FGF7: variants seen among roughly 807,000 people sequenced by gnomAD.
FGF7 encodes the protein FGF-7.
Under a neutral mutation model 20.5 loss-of-function variants are expected in FGF7, and 6 were observed. That is an observed-to-expected ratio of 0.29 (90% confidence interval 0.16 to 0.58). The LOEUF (loss-of-function observed/expected upper bound fraction) is 0.58, where lower values mean the gene tolerates loss of function less well. Among genes scored for constraint, FGF7 ranks in the 20% least tolerant of loss-of-function variants. The pLI, the probability that FGF7 is intolerant of heterozygous loss-of-function variation, is 0.90. For synonymous variants in FGF7, 64 were observed against 74.7 expected (o/e 0.86, Z 0.74); for missense variants, 144 against 228.8 (o/e 0.63, Z 2.39).
At chr15:49,436,061 A>AG (rs1237904899) in intron 2 of FGF7, among the ~76,000 whole-genome samples, 1 of 151,672 alleles carries the variant, frequency 6.6e-6, no homozygotes, top group East Asian at 2.0e-4. Context: ...ATTTCACGGA[A>AG]GAAAAAAAAG....
intron 2 of FGF7, among the ~76,000 whole-genome samples, chr15:49,479,739 G>A (rs1464998721): frequency 6.7e-6 from 1 of 148,906 alleles, no homozygotes; most frequent in Non-Finnish European, 1.5e-5. Flanking sequence ...TCAGACTACC[G>A]AGTAACTGGG....
At chr15:49,463,357 C>A (rs1031547414) in intron 2 of FGF7, among the ~76,000 whole-genome samples, 14 of 152,066 alleles carry the variant, frequency 9.2e-5, no homozygotes, top group African/African-American at 3.4e-4. Context: ...GGTTCAAGAC[C>A]AGCCTGGCCA....
At chr15:49,479,324 G>T (rs1488336318) in intron 2 of FGF7, among the ~76,000 whole-genome samples, 3 of 151,996 alleles carry the variant, frequency 2.0e-5, no homozygotes, top group African/African-American at 4.8e-5. Flanking sequence ...ATGCATCTAT[G>T]TAATATGCTT....
chr15:49,458,028 C>A (rs1409308516), intron 2 of FGF7, among the ~76,000 whole-genome samples: 1 of 151,798 alleles, frequency 6.6e-6, no homozygotes, highest in Non-Finnish European at 1.5e-5. Context: ...CACTTTATAG[C>A]AAGATTGTTG....
At chr15:49,441,217 A>G (rs2051608517) in intron 2 of FGF7, among the ~76,000 whole-genome samples, 1 of 151,658 alleles carries the variant, frequency 6.6e-6, no homozygotes, top group African/African-American at 2.4e-5. Flanking sequence ...ACCAAACAAT[A>G]CTGCCAATGT....
chr15:49,439,719 C>T (rs958793961), intron 2 of FGF7, among the ~76,000 whole-genome samples: 11 of 151,868 alleles, frequency 7.2e-5, no homozygotes, highest in African/African-American at 2.7e-4. Context: ...TGGCTCTCTT[C>T]TCTTACTGCA....
intron 2 of FGF7, among the ~76,000 whole-genome samples, chr15:49,456,867 A>G (rs547221903): frequency 9.9e-5 from 15 of 152,086 alleles, no homozygotes; most frequent in Non-Finnish European, 1.9e-4. Flanking sequence ...AGACCAGAAA[A>G]AGACAGGCAA....
At chr15:49,459,429 T>G (rs12442143) in intron 2 of FGF7, among the ~76,000 whole-genome samples, 1 of 151,992 alleles carries the variant, frequency 6.6e-6, no homozygotes, top group Non-Finnish European at 1.5e-5. Flanking sequence ...GTTGTACATT[T>G]TTGCAGTGCT....
At chr15:49,474,751 G>A (rs1328030919) in intron 2 of FGF7, among the ~76,000 whole-genome samples, 1 of 152,114 alleles carries the variant, frequency 6.6e-6, no homozygotes, top group East Asian at 1.9e-4. Context: ...GATTAGCTGT[G>A]GCATTAGAAT....
chr15:49,460,328 A>G (rs1280482121), intron 2 of FGF7, among the ~76,000 whole-genome samples: 2 of 152,224 alleles, frequency 1.3e-5, no homozygotes, highest in African/African-American at 2.4e-5. Context: ...AGACAAACAT[A>G]TAGCCATGCT....
chr15:49,466,551 T>G (rs764888461), intron 2 of FGF7, among the ~76,000 whole-genome samples: 1 of 152,184 alleles, frequency 6.6e-6, no homozygotes, highest in African/African-American at 2.4e-5. Flanking sequence ...CCACTGAAAC[T>G]TTTGAAGCAG....
At chr15:49,472,418 T>C (rs536145556) in intron 2 of FGF7, among the ~76,000 whole-genome samples, 106 of 152,280 alleles carry the variant, frequency 7.0e-4, no homozygotes, top group Admixed American at 3.9e-3. Context: ...GGGTACCTTT[T>C]ATGGAAGACT....
intron 2 of FGF7, among the ~76,000 whole-genome samples, chr15:49,459,561 T>G (rs1000838991): frequency 1.3e-5 from 2 of 152,186 alleles, no homozygotes; most frequent in South Asian, 2.1e-4. Context: ...TCTTAATTAT[T>G]TTAAAGTCCT....
At chr15:49,469,757 A>G (rs552637726) in intron 2 of FGF7, among the ~76,000 whole-genome samples, 1 of 152,296 alleles carries the variant, frequency 6.6e-6, no homozygotes, top group African/African-American at 2.4e-5. Flanking sequence ...CAACTAAGTT[A>G]TGCCTTTAAA....
Position 49,483,184 on chromosome 15 carries a change from T to A in FGF7, c.320T>A (p.Ile107Asn). ...IMEIRTVAVG[I>N]VAIKGVESEF... ...GAAATCAGGACAGTGGCAGTTGGAATTGTGGCAATCAAAGGGGTGGAAAGT... is the reference window on the plus strand; with the variant it reads ...GAAATCAGGACAGTGGCAGTTGGAAATGTGGCAATCAAAGGGGTGGAAAGT... The change falls in exon 3 of 4, where the codon ATT becomes AAT. Residue 107 changes from isoleucine (I) to asparagine (N), a missense_variant. By Grantham distance (149) the Ile-to-Asn change is moderately radical. This residue lies in a region of FGF7 where 56 missense variants were observed against 125.4 expected (regional missense o/e 0.45). Coordinates refer to ENST00000267843, the MANE Select transcript of FGF7 (RefSeq NM_002009.4). 1 of 1,590,090 alleles carries A rather than the reference T, an allele frequency of 6.3e-7. No homozygotes were observed. Among genetic ancestry groups the A allele is most frequent in the Non-Finnish European group, 8.5e-7 (1 of 1,174,150 alleles).
At position 49,485,978 on chromosome 15, in the gene FGF7, G is replaced by A. The variant is rs2056372711; in HGVS notation, c.*1474G>A. ...AAGAATAAGGGGCCCTGAATGTCAT[G>A]AAGGCTTGAGGTCAGCCTACAGATA... On this transcript the variant is annotated 3_prime_UTR_variant, in exon 4 of 4. Coordinates refer to ENST00000267843, the MANE Select transcript of FGF7 (RefSeq NM_002009.4). 1 of 152,108 alleles carries A rather than the reference G, an allele frequency of 6.6e-6. No individual in the cohort carries two copies. The highest frequency in any genetic ancestry group is 6.6e-5 in the Admixed American group (1 of 15,224). The allele number at this position is 152,108 out of a possible 1,614,324, so 9.4% of individuals were successfully genotyped here. A position where few individuals can be genotyped will look rare whatever the true frequency, so the allele number is the denominator to read the frequency against.
At position 49,478,334 on chromosome 15, in the gene FGF7, G is replaced by GT. The variant is rs996315404; in HGVS notation, c.287-4807dup. ...CAGATTTTGCCCACTTTTTAACTAGGTTTTTTTTTTCTTATTGTTGTGTTT... is the reference window on the plus strand; with the variant it reads ...CAGATTTTGCCCACTTTTTAACTAGGTTTTTTTTTTTCTTATTGTTGTGTTT... On this transcript the variant is annotated intron_variant, in intron 2 of 3. Coordinates refer to ENST00000267843, the MANE Select transcript of FGF7 (RefSeq NM_002009.4). 5.4e-3 allele frequency among the ~76,000 whole-genome samples: 797 copies of GT among 147,070 alleles called. 13 individuals carry two copies. The highest frequency in any genetic ancestry group is 0.016 in the African/African-American group (634 of 40,118).
intron 2 of FGF7, among the ~76,000 whole-genome samples, chr15:49,464,961 G>A (rs1384675270): frequency 6.6e-6 from 1 of 152,064 alleles, no homozygotes; most frequent in African/African-American, 2.4e-5. Context: ...TTATTAAGGT[G>A]ATAATAAACA....
chr15:49,462,319 G>T (rs1040383354), intron 2 of FGF7, among the ~76,000 whole-genome samples: 4 of 152,018 alleles, frequency 2.6e-5, no homozygotes, highest in African/African-American at 9.7e-5. Flanking sequence ...CATGTATTTT[G>T]CAAGATAAAT....
Sources: gnomAD v4.1 joint callset for allele counts (sites outside exome capture counted in the v4.1 genomes callset) on GRCh38, gnomAD v4.1.1 for gene constraint, gnomAD v4.1.1 regional missense constraint, MANE v1.5 for transcripts, NCBI Gene and HGNC (gene_info 2026-07-23, HGNC 2026-07-21) for gene names.